The following TNRC6C variants were observed in gnomAD, a reference collection of about 807,000 sequenced individuals.
The protein encoded by TNRC6C is trinucleotide repeat containing adaptor 6C, also known as trinucleotide repeat-containing gene 6C protein.
In TNRC6C, 20 loss-of-function variants were observed where a neutral mutation model predicts 153.7. The observed-to-expected ratio is 0.13, with a 90% CI of 0.09 to 0.19. TNRC6C has a LOEUF of 0.19. Ranked by LOEUF, TNRC6C falls within the 10% of genes least tolerant of loss-of-function variation. TNRC6C has a pLI of 1.00. For synonymous variants in TNRC6C, 811 were observed against 841.4 expected (o/e 0.96, Z 0.63); for missense variants, 1,987 against 2,172.0 (o/e 0.91, Z 1.69).
chr17:77,964,078 T>C (rs1334311454), intron 1 of TNRC6C, among the ~76,000 whole-genome samples: 1 of 152,182 alleles, frequency 6.6e-6, no homozygotes, highest in Non-Finnish European at 1.5e-5. Flanking sequence ...CTTCCAGATA[T>C]TTTGTGGGAT....
rs142696689 is a variant in TNRC6C, at chr17:78,075,129, G to T, written c.2918-7G>T. ...TTACAACATTGCTTCTGTTTGTTGT[G>T]CTCCAGGCGCTCTGCTGGAAAAGAA... On this transcript the variant is annotated splice_region_variant and splice_polypyrimidine_tract_variant and intron_variant, in intron 7 of 19. Transcript: ENST00000301624. The surrounding 1 kb of genome is among the most constrained non-coding windows in gnomAD (Gnocchi z 4.2). The T allele has an allele frequency of 2.1e-4, 345 of 1,612,914 alleles. 2 individuals are homozygous for T. The East Asian group carries it at 6.8e-3, about 32-fold the overall frequency.
intron 11 of TNRC6C, among the ~76,000 whole-genome samples, chr17:78,085,285 A>G (rs953678551): frequency 6.6e-6 from 1 of 152,176 alleles, no homozygotes; most frequent in Non-Finnish European, 1.5e-5. Flanking sequence ...TGAATTACCA[A>G]TAGGGTGTTC....
At chr17:77,969,326 T>A (rs149237161) in intron 1 of TNRC6C, among the ~76,000 whole-genome samples, 3,995 of 152,144 alleles carry the variant, frequency 0.026, 66 homozygotes, top group East Asian at 0.079. Context: ...CTCGGCTCAC[T>A]GCAACCTCTG....
intron 2 of TNRC6C, among the ~76,000 whole-genome samples, chr17:78,041,622 A>G (rs1237037237): frequency 1.3e-5 from 2 of 152,198 alleles, no homozygotes; most frequent in African/African-American, 4.8e-5. Context: ...GAGTCTGTCC[A>G]GCAATGGAAT....
chr17:77,983,534 G>A (rs1180591119), intron 1 of TNRC6C, among the ~76,000 whole-genome samples: 2 of 152,158 alleles, frequency 1.3e-5, no homozygotes, highest in Non-Finnish European at 2.9e-5. Flanking sequence ...AGAAAAGGCA[G>A]GTCTGTTGAG....
At chr17:78,037,192 TC>T (rs2072196643) in intron 2 of TNRC6C, among the ~76,000 whole-genome samples, 1 of 152,204 alleles carries the variant, frequency 6.6e-6, no homozygotes, top group African/African-American at 2.4e-5. Flanking sequence ...TTCCTTTTCT[TC>T]CTATATGAGA....
rs368037271 is a variant in TNRC6C at position 78,049,506 on chromosome 17, A to C, written c.444A>C (p.Leu148Phe). The change falls in exon 3 of 20, where the codon TTA becomes TTC. Residue 148 changes from leucine to phenylalanine, a missense_variant. This residue lies in a region of TNRC6C where 1,052 missense variants were observed against 1,017.0 expected (regional missense o/e 1.03). Transcript: ENST00000301624. The surrounding 1 kb of genome is among the most constrained non-coding windows in gnomAD (Gnocchi z 4.1). ...AGAACGGGAACCCAACAGGCACTTTAGGTGCTTGGGGAAACTTGCTGCCAC... is the reference window on the plus strand; with the variant it reads ...AGAACGGGAACCCAACAGGCACTTTCGGTGCTTGGGGAAACTTGCTGCCAC... 2 of 1,614,070 alleles carry C rather than the reference A, an allele frequency of 1.2e-6. No individual in the cohort carries two copies. The highest frequency in any genetic ancestry group is 1.7e-6 in the Non-Finnish European group (2 of 1,179,902).
At chr17:78,025,082 C>T (rs142493895) in intron 1 of TNRC6C, among the ~76,000 whole-genome samples, 180 of 152,254 alleles carry the variant, frequency 1.2e-3, no homozygotes, top group South Asian at 5.0e-3. Flanking sequence ...TGAGTCACCG[C>T]GCCCGGCCAA....
intron 1 of TNRC6C, among the ~76,000 whole-genome samples, chr17:78,010,029 A>G (rs1348105968): frequency 6.6e-6 from 1 of 151,964 alleles, no homozygotes; most frequent in Non-Finnish European, 1.5e-5. Flanking sequence ...CTACAGGTGC[A>G]TGCCACAGTG....
exon 3 of TNRC6C, chr17:78,051,224 A>T: frequency 6.4e-7 from 1 of 1,564,196 alleles, no homozygotes; most frequent in South Asian, 1.2e-5. Flanking sequence ...ATTCGCCGCA[A>T]AATGGAAATT....
chr17:78,043,326 A>G (rs988497544), intron 2 of TNRC6C, among the ~76,000 whole-genome samples: 1 of 152,216 alleles, frequency 6.6e-6, no homozygotes, highest in East Asian at 1.9e-4. Flanking sequence ...CAAGGAGGCT[A>G]TAGAGGTGGG....
At chr17:78,091,734 C>A in intron 14 of TNRC6C, 127 bp downstream of exon 16, 1 of 1,116,740 alleles carries the variant, frequency 9.0e-7, no homozygotes, top group Non-Finnish European at 1.2e-6. Context: ...TTAAAATAAC[C>A]CATTCCATTA....
upstream of TNRC6C, among the ~76,000 whole-genome samples, chr17:77,957,790 A>C (rs547845060): frequency 6.6e-6 from 1 of 152,332 alleles, no homozygotes; most frequent in Admixed American, 6.5e-5. Context: ...CTTACCTACC[A>C]CTAATGAATA....
chr17:78,092,078 T>C (rs543516909), intron 14 of TNRC6C, among the ~76,000 whole-genome samples: 2 of 152,308 alleles, frequency 1.3e-5, no homozygotes, highest in Non-Finnish European at 2.9e-5. Context: ...CGGGAACTCT[T>C]TACTGATGGA....
At chr17:77,980,149 T>C (rs147717038) in intron 1 of TNRC6C, among the ~76,000 whole-genome samples, 1 of 152,332 alleles carries the variant, frequency 6.6e-6, no homozygotes, top group Non-Finnish European at 1.5e-5. Context: ...AAAGGATAGA[T>C]AGACGAATAC....
At chr17:77,958,182 A>G (rs1598631442), upstream of TNRC6C, among the ~76,000 whole-genome samples, 1 of 151,596 alleles carries the variant, frequency 6.6e-6, no homozygotes, top group South Asian at 2.1e-4. Context: ...CGCCGGGCGC[A>G]ATTACAGCAT....
Position 78,104,405 on chromosome 17 carries a change from C to T in TNRC6C, c.4713-80C>T. On this transcript the variant is annotated intron_variant, in intron 19 of 19. Transcript: ENST00000301624. The surrounding 1 kb of genome is among the most constrained non-coding windows in gnomAD (Gnocchi z 6.2). ...GGATGGCTTCCATGTGGGGCCGTTC[C>T]CAATACAGAGAAAGCCAGTGCCACG... 2 of 1,416,312 alleles carry T rather than the reference C, an allele frequency of 1.4e-6. No individual in the cohort carries two copies. The highest frequency in any genetic ancestry group is 1.6e-5 in the South Asian group (1 of 64,350). 87.7% of individuals were successfully genotyped at this position (1,416,312 alleles called of 1,614,324 possible). A position where few individuals can be genotyped will look rare whatever the true frequency, so the allele number is the denominator to read the frequency against.
chr17:78,017,571 C>G (rs1260434605), intron 1 of TNRC6C, among the ~76,000 whole-genome samples: 1 of 152,192 alleles, frequency 6.6e-6, no homozygotes, highest in African/African-American at 2.4e-5. Flanking sequence ...ATTGTAGCAA[C>G]CTGTCTCTAG....
At chr17:78,013,833 A>G (rs1290179193) in intron 1 of TNRC6C, among the ~76,000 whole-genome samples, 2 of 152,194 alleles carry the variant, frequency 1.3e-5, no homozygotes, top group African/African-American at 2.4e-5. Context: ...AACTAAACAA[A>G]CAGGAAGCTA....
Sources: gnomAD v4.1 joint callset for allele counts (sites outside exome capture counted in the v4.1 genomes callset) on GRCh38, gnomAD v4.1.1 for gene constraint, gnomAD v4.1.1 regional missense constraint, Gnocchi (gnomAD v3.1) non-coding constraint, MANE v1.5 for transcripts, NCBI Gene and HGNC (gene_info 2026-07-23, HGNC 2026-07-21) for gene names.